USP33: variants seen among roughly 807,000 people sequenced by gnomAD.
USP33 encodes the protein ubiquitin specific peptidase 33.
Under a neutral mutation model 124.2 loss-of-function variants are expected in USP33, and 46 were observed. The observed-to-expected ratio is 0.37, with a 90% CI of 0.29 to 0.47. USP33 has a LOEUF of 0.47. USP33 is among the 20% of genes least tolerant of loss of function. The pLI is 0.99. For missense variants in USP33, 851 were observed against 1,070.6 expected (o/e 0.79, Z 2.86); for synonymous variants, 350 against 352.3 (o/e 0.99, Z 0.07).
rs1400667531 is a variant in USP33, at chr1:77,722,143, C to T, written c.1443G>A (p.Lys481=). 2.5e-6 allele frequency: 4 copies of T among 1,613,744 alleles called. No homozygotes were observed. In the African/African-American group the frequency reaches 4.0e-5, roughly 16 times the overall value. Residue 481 remains lysine, a synonymous_variant, in exon 13 of 24, where the codon AAG becomes AAA. Transcript: ENST00000370794. ...FQDLSLPIPG[K]EDLAKLHSSS... Reference sequence around the variant, plus strand: ...ATGAATGCAGCTTAGCAAGGTCTTCCTTGCCAGGAATTGGCAAGGACAGAT... The same window carrying T: ...ATGAATGCAGCTTAGCAAGGTCTTCTTTGCCAGGAATTGGCAAGGACAGAT...
intron 1 of USP33, among the ~76,000 whole-genome samples, chr1:77,751,312 G>A (rs1175934356): frequency 6.6e-6 from 1 of 152,168 alleles, no homozygotes; most frequent in Non-Finnish European, 1.5e-5. Flanking sequence ...GCTCTATGAT[G>A]TACAGCTCCG....
chr1:77,749,655 T>C (rs962762336), intron 1 of USP33, among the ~76,000 whole-genome samples: 2 of 152,180 alleles, frequency 1.3e-5, no homozygotes, highest in Non-Finnish European at 2.9e-5. Flanking sequence ...GTGCCGGAAT[T>C]ACAGGCATGA....
chr1:77,740,544 C>G (rs1022037249), intron 4 of USP33, among the ~76,000 whole-genome samples: 3 of 152,096 alleles, frequency 2.0e-5, no homozygotes, highest in Non-Finnish European at 4.4e-5. Context: ...TTAATAGAGA[C>G]AGGGTTTCGC....
intron 21 of USP33, 146 bp downstream of exon 21, chr1:77,711,601 T>C: frequency 7.6e-7 from 1 of 1,317,684 alleles, no homozygotes; most frequent in Non-Finnish European, 1.0e-6. Flanking sequence ...GTGAACTGCC[T>C]GAGGTCATTC....
chr1:77,739,471 A>T, intron 4 of USP33, 54 bp from the exon 5 acceptor site: 1 of 1,489,254 alleles, frequency 6.7e-7, no homozygotes, highest in Admixed American at 2.3e-5. Flanking sequence ...ATATACTTGA[A>T]AAGACTTCTT....
At chr1:77,744,715 C>T (rs910832006) in intron 1 of USP33, among the ~76,000 whole-genome samples, 1 of 151,982 alleles carries the variant, frequency 6.6e-6, no homozygotes, top group Non-Finnish European at 1.5e-5. Flanking sequence ...CATGGTGGCA[C>T]GTGCCTATAG....
intron 22 of USP33, among the ~76,000 whole-genome samples, chr1:77,698,506 T>G (rs548226812): frequency 8.0e-5 from 12 of 150,032 alleles, no homozygotes; most frequent in Admixed American, 4.0e-4. Context: ...TTTTGTTTTT[T>G]TTTTTTTTTT....
rs1675814805 is a variant in USP33 at position 77,715,827 on chromosome 1, G to A, written c.1960C>T (p.Leu654Phe). 6.2e-7 allele frequency: 1 copy of A among 1,613,864 alleles called. No individual in the cohort carries two copies. The highest frequency in any genetic ancestry group is 1.7e-5 in the Admixed American group (1 of 60,014). ...IAYCRNNLNN[L>F]WYEFDDQSVT... is the part of the protein sequence containing the mutation. ...CTCTGATCATCAAATTCATACCAGA[G>A]ATTATTTAGATTGTTTCGGCAGTAG... The change falls in exon 18 of 24, where the codon CTC becomes TTC. Residue 654 changes from leucine to phenylalanine, a missense_variant. Leu to Phe is a conservative substitution (Grantham distance 22, BLOSUM62 0). Around this residue, in one of 4 missense-constraint regions of USP33, gnomAD observed 281 missense variants for 425.0 expected, o/e 0.66. Coordinates refer to ENST00000370794, the MANE Select transcript of USP33 (RefSeq NM_201624.3).
chr1:77,723,369 T>C lies in USP33; in HGVS notation c.1351A>G (p.Thr451Ala). ...RSVISDIFDG[T>A]IISSVQCLTC... The stretch of plus-strand genomic sequence containing the variant: ...AGACACTGCACTGAACTAATGATTG[T>C]TCCATCAAATATGTCTGAAATAACA... Residue 451 changes from threonine (T) to alanine (A), a missense_variant, in exon 12 of 24, where the codon ACA becomes GCA. By Grantham distance (58) the Thr-to-Ala change is moderately conservative (BLOSUM62 0). Transcript: ENST00000370794. 1 of 1,613,442 alleles carries C rather than the reference T, an allele frequency of 6.2e-7. No homozygotes were observed. The highest frequency in any genetic ancestry group is 8.5e-7 in the Non-Finnish European group (1 of 1,179,688).
At position 77,759,798 on chromosome 1, in the gene USP33, C is replaced by G. The variant is rs1371633193; in HGVS notation, c.-207G>C. 7.5e-6 allele frequency: 3 copies of G among 397,504 alleles called. No individual in the cohort carries two copies. The highest frequency in any genetic ancestry group is 4.4e-5 in the Admixed American group (1 of 22,678). 24.6% of individuals were successfully genotyped at this position (397,504 alleles called of 1,614,324 possible). On this transcript the variant is annotated 5_prime_UTR_variant, in exon 1 of 24. Transcript: ENST00000370794. ...CCCCGCAGCGCTGCCCTCGGGGGGTCCGCCTCCTGAACTGGCCACTTCCCG... is the reference window on the plus strand; with the variant it reads ...CCCCGCAGCGCTGCCCTCGGGGGGTGCGCCTCCTGAACTGGCCACTTCCCG...
At chr1:77,734,447 A>C in intron 6 of USP33, 31 bp from the exon 7 acceptor site, 1 of 1,393,780 alleles carries the variant, frequency 7.2e-7, no homozygotes, top group South Asian at 1.3e-5. Flanking sequence ...TGAAGTCATC[A>C]TTCAATAATG....
Position 77,728,624 on chromosome 1 carries a change from G to C in USP33, c.806C>G (p.Thr269Ser), listed in dbSNP as rs746064239. Residue 269 changes from threonine to serine, a missense_variant, in exon 10 of 24, where the codon ACC becomes AGC. Thr to Ser is a moderately conservative substitution (Grantham distance 58). This residue lies in a region of USP33 where 207 missense variants were observed against 200.9 expected (regional missense o/e 1.03). Transcript: ENST00000370794. Reference sequence around the variant, plus strand: ...TTCCATTGTCTCCTCAGTGGTTATGGTTTGCGGATCTTCTTCTACTTCCAT... The same window carrying C: ...TTCCATTGTCTCCTCAGTGGTTATGCTTTGCGGATCTTCTTCTACTTCCAT... ...QVMEVEEDPQ[T>S]ITTEETMEED... 63 of 1,613,982 alleles carry C rather than the reference G, an allele frequency of 3.9e-5. No homozygotes were observed. The highest frequency in any genetic ancestry group is 5.3e-5 in the Non-Finnish European group (63 of 1,180,028).
chr1:77,747,656 T>C (rs1679880242), intron 1 of USP33, among the ~76,000 whole-genome samples: 2 of 152,244 alleles, frequency 1.3e-5, no homozygotes, highest in Admixed American at 1.3e-4. Flanking sequence ...GTCTTAATTT[T>C]TGTAAAATTA....
At chr1:77,729,313 G>A (rs995876740) in intron 9 of USP33, among the ~76,000 whole-genome samples, 3 of 148,900 alleles carry the variant, frequency 2.0e-5, no homozygotes, top group East Asian at 2.0e-4. Flanking sequence ...AGGGAGGATC[G>A]TTTGAGTCAG....
chr1:77,741,733 C>A lies in USP33; in HGVS notation c.-36G>T. Reference sequence around the variant, plus strand: ...ATTTTTTCCTGTTTCCCAAGACTTTCAAAATGAGGTAACACCTATAAGAAA... The same window carrying A: ...ATTTTTTCCTGTTTCCCAAGACTTTAAAAATGAGGTAACACCTATAAGAAA... On this transcript the variant is annotated 5_prime_UTR_variant, in exon 2 of 24. Transcript: ENST00000370794. 6.3e-7 allele frequency: 1 copy of A among 1,598,368 alleles called. No individual in the cohort carries two copies. The highest frequency in any genetic ancestry group is 1.7e-4 in the Middle Eastern group (1 of 6,022).
At chr1:77,723,719 A>G in intron 11 of USP33, among the ~76,000 whole-genome samples, 1 of 151,994 alleles carries the variant, frequency 6.6e-6, no homozygotes, top group African/African-American at 2.4e-5. Flanking sequence ...ACTGGAGTGC[A>G]GTGGTGCGAT....
chr1:77,707,840 T>C (rs1674803151), intron 21 of USP33, among the ~76,000 whole-genome samples: 1 of 152,194 alleles, frequency 6.6e-6, no homozygotes, highest in South Asian at 2.1e-4. Flanking sequence ...TACCAATTTA[T>C]TTTTTTCCTT....
chr1:77,723,497 T>C (rs1369062003), intron 11 of USP33, 54 bp from the exon 12 acceptor site: 10 of 1,211,404 alleles, frequency 8.3e-6, no homozygotes, highest in Non-Finnish European at 1.2e-5. Flanking sequence ...AACATTTTTC[T>C]CTGGAATCTT....
chr1:77,737,099 TA>T (rs1475349087), intron 5 of USP33, among the ~76,000 whole-genome samples: 1 of 148,660 alleles, frequency 6.7e-6, no homozygotes, highest in African/African-American at 2.5e-5. Context: ...AGACGACAAA[TA>T]AAAATCAAAA....
Sources: gnomAD v4.1 joint callset for allele counts (sites outside exome capture counted in the v4.1 genomes callset) on GRCh38, gnomAD v4.1.1 for gene constraint, gnomAD v4.1.1 regional missense constraint, MANE v1.5 for transcripts, NCBI Gene and HGNC (gene_info 2026-07-23, HGNC 2026-07-21) for gene names.